CLIC4: variants seen among roughly 807,000 people sequenced by gnomAD.
CLIC4 encodes chloride intracellular channel protein 4.
A neutral mutation model predicts 24.6 loss-of-function variants in CLIC4; 13 were observed. The observed-to-expected ratio is 0.53, with a 90% CI of 0.34 to 0.84. The LOEUF (loss-of-function observed/expected upper bound fraction) is 0.84, where lower values mean the gene tolerates loss of function less well. Ranked by LOEUF, CLIC4 falls within the 40% of genes least tolerant of loss-of-function variation. The pLI is 0.01. For missense variants in CLIC4, 227 were observed against 301.7 expected (o/e 0.75, Z 1.83); for synonymous variants, 104 against 111.3 (o/e 0.93, Z 0.41).
chr1:24,764,690 C>G (rs1358623468), intron 1 of CLIC4, among the ~76,000 whole-genome samples: 3 of 151,958 alleles, frequency 2.0e-5, no homozygotes, highest in African/African-American at 7.2e-5. Context: ...CTGGTATCTT[C>G]TGGCATTTCA....
At chr1:24,781,085 C>T (rs1639197706) in intron 1 of CLIC4, among the ~76,000 whole-genome samples, 1 of 103,708 alleles carries the variant, frequency 9.6e-6, no homozygotes, top group Non-Finnish European at 2.0e-5. Flanking sequence ...GAAACTCCAT[C>T]TCAAAAAAAA....
At position 24,826,920 on chromosome 1, in the gene CLIC4, C is replaced by T. The variant is rs148537435; in HGVS notation, c.309-90C>T. ...TCTTATAGTAATAACTATTAAAAGA[C>T]GTCTAGTAACTGCTAGCATGGTGGT... On this transcript the variant is annotated intron_variant, in intron 3 of 5. Transcript: ENST00000374379. 3,832 of 781,534 alleles carry T rather than the reference C, an allele frequency of 4.9e-3. 26 individuals carry two copies. Among genetic ancestry groups the T allele is most frequent in the Middle Eastern group, 0.019 (46 of 2,444 alleles). The allele number at this position is 781,534 out of a possible 1,614,324, so 48.4% of individuals were successfully genotyped here.
rs1571271064 is a variant in CLIC4 at position 24,841,291 on chromosome 1, T to A, written c.*354T>A. The A allele has an allele frequency of 6.0e-6, 1 of 167,134 alleles. No individual in the cohort carries two copies. Among genetic ancestry groups the A allele is most frequent in the Non-Finnish European group, 1.3e-5 (1 of 77,920 alleles). The allele number at this position is 167,134 out of a possible 1,614,324, so 10.4% of individuals were successfully genotyped here. On this transcript the variant is annotated 3_prime_UTR_variant, in exon 6 of 6. Transcript: ENST00000374379. Reference sequence around the variant, plus strand: ...TGGCAGAACTTTTGAGGTGCAATGTTTAATTGTTAAAAATAGTAGCCACGA... The same window carrying A: ...TGGCAGAACTTTTGAGGTGCAATGTATAATTGTTAAAAATAGTAGCCACGA...
intron 2 of CLIC4, among the ~76,000 whole-genome samples, chr1:24,798,517 T>C (rs1437094376): frequency 6.6e-6 from 1 of 152,154 alleles, no homozygotes; most frequent in Non-Finnish European, 1.5e-5. Flanking sequence ...GAAAGCTCTG[T>C]TTTATTCAGG....
At chr1:24,762,877 G>A (rs1381974990) in intron 1 of CLIC4, among the ~76,000 whole-genome samples, 1 of 152,178 alleles carries the variant, frequency 6.6e-6, no homozygotes, top group Non-Finnish European at 1.5e-5. Context: ...CATATGAAGG[G>A]AAGGCTTTAA....
rs1289272391 is a variant in CLIC4, at chr1:24,843,815, A to G, written c.*2878A>G. Reference sequence around the variant, plus strand: ...GTGTTTTGAATCTCTCCAGAGTTGCATGTAGATAGCATTTATTTCTGTGCC... The same window carrying G: ...GTGTTTTGAATCTCTCCAGAGTTGCGTGTAGATAGCATTTATTTCTGTGCC... On this transcript the variant is annotated 3_prime_UTR_variant, in exon 6 of 6. Coordinates refer to ENST00000374379, the MANE Select transcript of CLIC4 (RefSeq NM_013943.3). 1.3e-5 allele frequency: 2 copies of G among 152,652 alleles called. No individual in the cohort carries two copies. Among genetic ancestry groups the G allele is most frequent in the Non-Finnish European group, 2.9e-5 (2 of 68,026 alleles). The allele number at this position is 152,652 out of a possible 1,614,324, so 9.5% of individuals were successfully genotyped here.
At chr1:24,756,584 C>T (rs763606075) in intron 1 of CLIC4, among the ~76,000 whole-genome samples, 5 of 152,228 alleles carry the variant, frequency 3.3e-5, no homozygotes, top group African/African-American at 1.2e-4. Flanking sequence ...ATGTCAATCA[C>T]TTGTAATAAC....
At chr1:24,831,487 C>T (rs929198831) in intron 4 of CLIC4, among the ~76,000 whole-genome samples, 1 of 152,194 alleles carries the variant, frequency 6.6e-6, no homozygotes, top group Non-Finnish European at 1.5e-5. Context: ...CTTGTCAAAA[C>T]ACTCAAATAG....
intron 2 of CLIC4, among the ~76,000 whole-genome samples, chr1:24,805,671 T>G (rs1639542878): frequency 6.6e-6 from 1 of 152,176 alleles, no homozygotes; most frequent in Admixed American, 6.5e-5. Context: ...GCAAGTCAAC[T>G]TGTTACAGAT....
chr1:24,784,356 AG>A (rs1376430226), intron 1 of CLIC4, among the ~76,000 whole-genome samples: 1 of 152,176 alleles, frequency 6.6e-6, no homozygotes, highest in Admixed American at 6.5e-5. Context: ...TCAGTCACTT[AG>A]GTAGGAAGTA....
chr1:24,835,175 A>G (rs756560411), intron 4 of CLIC4, among the ~76,000 whole-genome samples: 87 of 152,330 alleles, frequency 5.7e-4, no homozygotes, highest in Non-Finnish European at 1.2e-3. Context: ...GGCTAGCATG[A>G]TCCTTTAATA....
chr1:24,747,224 G>A (rs1311523179), intron 1 of CLIC4, among the ~76,000 whole-genome samples: 2 of 151,158 alleles, frequency 1.3e-5, no homozygotes, highest in Non-Finnish European at 1.5e-5. Flanking sequence ...TAGAATGTAG[G>A]AAGGAACCTG....
At chr1:24,763,495 A>G (rs1638954291) in intron 1 of CLIC4, among the ~76,000 whole-genome samples, 1 of 140,868 alleles carries the variant, frequency 7.1e-6, no homozygotes, top group Non-Finnish European at 1.5e-5. Context: ...AATCGAAATC[A>G]TGCCACTGCA....
At chr1:24,789,293 G>A (rs1285379158) in intron 1 of CLIC4, among the ~76,000 whole-genome samples, 1 of 152,330 alleles carries the variant, frequency 6.6e-6, no homozygotes, top group South Asian at 2.1e-4. Flanking sequence ...CGAGGTGGGC[G>A]AATCACTTGA....
At chr1:24,775,043 C>T (rs1639116777) in intron 1 of CLIC4, among the ~76,000 whole-genome samples, 1 of 151,504 alleles carries the variant, frequency 6.6e-6, no homozygotes, top group African/African-American at 2.4e-5. Flanking sequence ...TGTATTCCAG[C>T]CTGGGTGACA....
At chr1:24,797,642 T>C (rs984005048) in intron 1 of CLIC4, 100 bp from the exon 2 acceptor site, 81 of 749,830 alleles carry the variant, frequency 1.1e-4, no homozygotes, top group Non-Finnish European at 1.3e-5. Context: ...ATGTAACTTT[T>C]CCTGGCTTCT....
At chr1:24,774,652 A>G (rs1035661941) in intron 1 of CLIC4, among the ~76,000 whole-genome samples, 2 of 152,100 alleles carry the variant, frequency 1.3e-5, no homozygotes, top group Non-Finnish European at 2.9e-5. Flanking sequence ...AAATAGCTGG[A>G]CATGGTGGCA....
intron 3 of CLIC4, among the ~76,000 whole-genome samples, chr1:24,817,311 C>T (rs74477578): frequency 6.6e-6 from 1 of 151,548 alleles, no homozygotes; most frequent in African/African-American, 2.4e-5. Context: ...GATAGATCAG[C>T]TAGATCTTCT....
chr1:24,750,033 C>T (rs1184724579), intron 1 of CLIC4, among the ~76,000 whole-genome samples: 3 of 152,236 alleles, frequency 2.0e-5, no homozygotes, highest in South Asian at 2.1e-4. Context: ...GGCTGTGAGC[C>T]GTGATCGTGC....
Sources: allele counts gnomAD v4.1 joint callset (sites outside exome capture counted in the v4.1 genomes callset), GRCh38; gene constraint gnomAD v4.1.1; transcripts MANE v1.5; gene names NCBI Gene and HGNC (gene_info 2026-07-23, HGNC 2026-07-21).